The following ZFHX3 variants were observed in gnomAD, a reference collection of about 807,000 sequenced individuals.
The protein encoded by ZFHX3 is zinc finger homeobox protein 3.
A neutral mutation model predicts 279.1 loss-of-function variants in ZFHX3; 42 were observed. The observed-to-expected ratio is 0.15, with a 90% CI of 0.12 to 0.19. The LOEUF is 0.19. ZFHX3 is among the 10% of genes least tolerant of loss of function. ZFHX3 has a pLI of 1.00. For missense variants in ZFHX3, 4,981 were observed against 4,754.0 expected, an observed-to-expected ratio of 1.05 and a Z score of -1.40; for synonymous variants, 2,293 against 1,957.8, an observed-to-expected ratio of 1.17 and a Z score of -4.52.
rs148149326 is a variant in ZFHX3, at chr16:73,607,268, C to T, written c.-1547+72912G>A. Among the ~76,000 whole-genome samples, 1,410 of 152,252 alleles carry T rather than the reference C, an allele frequency of 9.3e-3. 13 individuals carry two copies. Among genetic ancestry groups the T allele is most frequent in the Middle Eastern group, 0.044 (13 of 294 alleles). ...GGTCTCGAACTCCTGACCTCGTGAT[C>T]CACCCACCTTGGCCTCCCAAACTGC... On this transcript the variant is annotated intron_variant, in intron 2 of 17. Coordinates refer to the ZFHX3 transcript ENST00000641206.
intron 4 of ZFHX3, among the ~76,000 whole-genome samples, chr16:73,308,255 ATATATATATATATATATATATATTTATT>A (rs1261099557): frequency 1.6e-4 from 6 of 37,888 alleles, no homozygotes; most frequent in Admixed American, 4.6e-4. Flanking sequence ...ATATATATAT[ATATATATATATATATATATATATTTATT>A]TATTTATTTT....
intron 8 of ZFHX3, among the ~76,000 whole-genome samples, chr16:73,067,968 G>A (rs1442258377): frequency 6.6e-6 from 1 of 152,126 alleles, no homozygotes; most frequent in Non-Finnish European, 1.5e-5. Context: ...ATGGTAAAGA[G>A]AATGCAGTTC....
chr16:73,409,060 G>C (rs557814604), intron 3 of ZFHX3, among the ~76,000 whole-genome samples: 29 of 152,262 alleles, frequency 1.9e-4, no homozygotes, highest in Admixed American at 7.8e-4. Context: ...ATTTGGTCAA[G>C]GTCAGCCACA....
intron 2 of ZFHX3, among the ~76,000 whole-genome samples, chr16:73,462,997 T>C (rs2018498309): frequency 1.3e-5 from 2 of 152,044 alleles, no homozygotes; most frequent in Admixed American, 6.5e-5. Context: ...AATGCTTCTT[T>C]ATATGTTTGT....
chr16:73,681,768 T>C (rs558248879), intron 1 of ZFHX3, among the ~76,000 whole-genome samples: 1 of 152,352 alleles, frequency 6.6e-6, no homozygotes, highest in African/African-American at 2.4e-5. Flanking sequence ...TGTAAGCATA[T>C]GCATTGTTGC....
intron 2 of ZFHX3, among the ~76,000 whole-genome samples, chr16:73,502,779 A>C (rs1190662791): frequency 6.6e-6 from 1 of 152,210 alleles, no homozygotes; most frequent in Non-Finnish European, 1.5e-5. Context: ...CACTAGAGCT[A>C]CTGAATGCCC....
At chr16:73,515,344 T>C (rs188464581) in intron 2 of ZFHX3, among the ~76,000 whole-genome samples, 8 of 152,126 alleles carry the variant, frequency 5.3e-5, no homozygotes, top group Admixed American at 4.6e-4. Flanking sequence ...AAGTCAAATA[T>C]GTAAAGGGAT....
At chr16:73,177,282 G>T (rs1462975777) in intron 5 of ZFHX3, among the ~76,000 whole-genome samples, 2 of 152,174 alleles carry the variant, frequency 1.3e-5, no homozygotes, top group African/African-American at 2.4e-5. Context: ...AGAGGCTCCA[G>T]TGCTTTGTAG....
At chr16:72,821,707 T>C (rs1164001114) in intron 5 of ZFHX3, among the ~76,000 whole-genome samples, 1 of 152,222 alleles carries the variant, frequency 6.6e-6, no homozygotes, top group Non-Finnish European at 1.5e-5. Flanking sequence ...CTGACTACAC[T>C]GAGCTTTCTG....
At chr16:73,458,711 C>A (rs527904647) in intron 2 of ZFHX3, among the ~76,000 whole-genome samples, 1 of 152,190 alleles carries the variant, frequency 6.6e-6, no homozygotes, top group African/African-American at 2.4e-5. Flanking sequence ...TCACCCCCAA[C>A]CTTTATCGCA....
At chr16:73,071,356 C>T (rs369580274) in intron 8 of ZFHX3, among the ~76,000 whole-genome samples, 7 of 152,232 alleles carry the variant, frequency 4.6e-5, no homozygotes, top group African/African-American at 1.7e-4. Context: ...GACCAGGCTC[C>T]CCTGCCTTCC....
chr16:73,323,416 T>C (rs2015620283), intron 3 of ZFHX3, among the ~76,000 whole-genome samples: 1 of 151,982 alleles, frequency 6.6e-6, no homozygotes, highest in African/African-American at 2.4e-5. Context: ...AAGGGAAAAG[T>C]GGATTTTCAA....
At chr16:73,107,247 T>G (rs1966316663) in intron 7 of ZFHX3, among the ~76,000 whole-genome samples, 1 of 151,910 alleles carries the variant, frequency 6.6e-6, no homozygotes, top group African/African-American at 2.4e-5. Flanking sequence ...GAGGCAGAGG[T>G]TGCAGTGTGC....
Position 73,758,934 on chromosome 16 carries a change from C to G in ZFHX3, c.-1607-78694G>C, listed in dbSNP as rs1348922275. The stretch of plus-strand genomic sequence containing the variant: ...ACTATTATCCCCATTTTACAAAAGA[C>G]AAAACTGAGGCTCAGCCATAGATGT... On this transcript the variant is annotated intron_variant, in intron 1 of 17. Transcript: ENST00000641206. 2.0e-5 allele frequency among the ~76,000 whole-genome samples: 3 copies of G among 152,156 alleles called. No homozygotes were observed. The East Asian group carries it at 5.8e-4, about 29-fold the overall frequency.
At chr16:72,862,536 TAGG>T (rs2037913277) in intron 4 of ZFHX3, among the ~76,000 whole-genome samples, 1 of 152,174 alleles carries the variant, frequency 6.6e-6, no homozygotes, top group Non-Finnish European at 1.5e-5. Flanking sequence ...TCCAAATAAA[TAGG>T]AGATTTGGGC....
chr16:73,818,112 A>T (rs1399874218), intron 1 of ZFHX3, among the ~76,000 whole-genome samples: 2 of 152,224 alleles, frequency 1.3e-5, no homozygotes, highest in African/African-American at 4.8e-5. Flanking sequence ...TCAGGCTTGA[A>T]ATGCTGTAGT....
intron 3 of ZFHX3, among the ~76,000 whole-genome samples, chr16:73,393,887 T>C (rs1431952676): frequency 2.0e-5 from 3 of 148,414 alleles, no homozygotes; most frequent in African/African-American, 4.9e-5. Context: ...ATATATCTCA[T>C]GTATATCATA....
At chr16:73,108,006 A>G (rs1023451148) in intron 7 of ZFHX3, among the ~76,000 whole-genome samples, 6 of 152,096 alleles carry the variant, frequency 3.9e-5, no homozygotes, top group Non-Finnish European at 7.4e-5. Context: ...CTAAAAATAC[A>G]AAAAATTAGC....
chr16:73,135,824 A>G lies in ZFHX3; in HGVS notation c.-1023-4730T>C, dbSNP rs549260360. On this transcript the variant is annotated intron_variant, in intron 6 of 17. Coordinates refer to the ZFHX3 transcript ENST00000641206. ...GTTTCCACGGTCCCTACCTCTCCCT[A>G]TTGCCTTATACTAGGCTCACTTCAC... is the stretch of plus-strand genomic sequence containing the variant. Among the ~76,000 whole-genome samples, 41 of 148,916 alleles carry G rather than the reference A, an allele frequency of 2.8e-4. 1 individual carries two copies. Among genetic ancestry groups the G allele is most frequent in the Admixed American group, 8.7e-4 (13 of 14,964 alleles).
Sources: allele counts gnomAD v4.1 joint callset (sites outside exome capture counted in the v4.1 genomes callset), GRCh38; gene constraint gnomAD v4.1.1; transcripts MANE v1.5; gene names NCBI Gene and HGNC (gene_info 2026-07-23, HGNC 2026-07-21).